AGBL4: variants seen among roughly 807,000 people sequenced by gnomAD.
AGBL4 encodes the protein cytosolic carboxypeptidase 6.
In AGBL4, 58 loss-of-function variants were observed where a neutral mutation model predicts 66.4. The ratio of observed to expected loss-of-function variants is 0.87; its 90% CI spans 0.71 to 1.09. The LOEUF is 1.09. AGBL4 is among the 50% of genes least tolerant of loss of function. The pLI is 0.00. For missense variants in AGBL4, 579 were observed against 631.0 expected, an observed-to-expected ratio of 0.92 and a Z score of 0.88; for synonymous variants, 234 against 222.9, an observed-to-expected ratio of 1.05 and a Z score of -0.44.
intron 3 of AGBL4, among the ~76,000 whole-genome samples, chr1:49,440,774 G>A (rs542460553): frequency 3.9e-4 from 59 of 152,256 alleles, no homozygotes; most frequent in African/African-American, 4.3e-4. Flanking sequence ...GTACAGCCTC[G>A]CCAGGTATCT....
In AGBL4 at chr1:48,751,173, T is replaced by C. The variant is rs144045877; in HGVS notation, c.635-87932A>G. On this transcript the variant is annotated intron_variant, in intron 6 of 13. Transcript: ENST00000371839. ...CTAAAGAGACAATTTCTAAGAAAAC[T>C]CCAGGAATTGTCCAATTGGTATCTT... 1.6e-3 allele frequency among the ~76,000 whole-genome samples: 246 copies of C among 152,274 alleles called. 5 individuals are homozygous for C. The South Asian group carries it at 0.047, about 29-fold the overall frequency.
At chr1:49,115,765 A>T (rs1439793889) in intron 4 of AGBL4, among the ~76,000 whole-genome samples, 1 of 151,852 alleles carries the variant, frequency 6.6e-6, no homozygotes. Context: ...TAAGATACAA[A>T]TCCCCCCCCA....
chr1:48,612,950 G>A (rs113266422), intron 9 of AGBL4, among the ~76,000 whole-genome samples: 135 of 152,212 alleles, frequency 8.9e-4, no homozygotes, highest in African/African-American at 3.1e-3. Context: ...CCTGACCAAC[G>A]TGGCAAAACC....
chr1:49,606,350 A>G (rs879303966), intron 3 of AGBL4, among the ~76,000 whole-genome samples: 5 of 152,170 alleles, frequency 3.3e-5, no homozygotes, highest in Admixed American at 3.3e-4. Flanking sequence ...CCCCTGAGCA[A>G]TCGAAAGCAC....
At chr1:48,618,887 A>C (rs1645363367) in intron 9 of AGBL4, among the ~76,000 whole-genome samples, 3 of 152,152 alleles carry the variant, frequency 2.0e-5, no homozygotes, top group Admixed American at 2.0e-4. Flanking sequence ...CATGTTAACC[A>C]AAAGATAATG....
At chr1:48,604,005 C>T (rs954573186) in intron 9 of AGBL4, among the ~76,000 whole-genome samples, 1 of 151,900 alleles carries the variant, frequency 6.6e-6, no homozygotes, top group Non-Finnish European at 1.5e-5. Flanking sequence ...CATGGTGGCA[C>T]GCCTGTAATC....
chr1:49,271,471 T>C (rs1644056246), intron 3 of AGBL4, among the ~76,000 whole-genome samples: 1 of 151,566 alleles, frequency 6.6e-6, no homozygotes, highest in Non-Finnish European at 1.5e-5. Context: ...GCGTTGTGTT[T>C]TCTCTAAGAG....
intron 5 of AGBL4, among the ~76,000 whole-genome samples, chr1:48,914,050 C>A (rs974311541): frequency 1.3e-5 from 2 of 152,114 alleles, no homozygotes; most frequent in Non-Finnish European, 2.9e-5. Flanking sequence ...AACAAAGTAG[C>A]AAAGCACAGA....
At chr1:49,453,097 A>G (rs557230809) in intron 3 of AGBL4, among the ~76,000 whole-genome samples, 1 of 152,058 alleles carries the variant, frequency 6.6e-6, no homozygotes, top group African/African-American at 2.4e-5. Context: ...TTATGAATGA[A>G]AGGCAAATGA....
At chr1:49,077,185 C>A (rs1248669162) in intron 4 of AGBL4, among the ~76,000 whole-genome samples, 3 of 147,460 alleles carry the variant, frequency 2.0e-5, no homozygotes, top group African/African-American at 8.1e-5. Context: ...CAGCACCTAT[C>A]ACATAGTGGG....
chr1:48,758,092 C>T (rs895633179), intron 6 of AGBL4, among the ~76,000 whole-genome samples: 4 of 152,168 alleles, frequency 2.6e-5, no homozygotes, highest in Non-Finnish European at 1.5e-5. Flanking sequence ...ATCAGAAAAC[C>T]TGATTAGTTA....
intron 6 of AGBL4, among the ~76,000 whole-genome samples, chr1:48,756,411 CA>C (rs2148648828): frequency 6.6e-6 from 1 of 152,302 alleles, no homozygotes; most frequent in East Asian, 1.9e-4. Context: ...CTGTTCCCCT[CA>C]TCAAACTTTA....
chr1:49,989,182 C>A (rs1378758359), intron 1 of AGBL4, among the ~76,000 whole-genome samples: 1 of 152,116 alleles, frequency 6.6e-6, no homozygotes, highest in Admixed American at 6.6e-5. Flanking sequence ...AAAGGAATAA[C>A]AGATGATTAC....
intron 9 of AGBL4, among the ~76,000 whole-genome samples, chr1:48,619,131 C>T (rs1330830068): frequency 1.3e-5 from 2 of 152,204 alleles, no homozygotes; most frequent in African/African-American, 4.8e-5. Context: ...CTGGCTTCCA[C>T]TTCAAGTCCT....
chr1:48,881,240 C>A (rs1649752542), intron 5 of AGBL4, among the ~76,000 whole-genome samples: 1 of 152,188 alleles, frequency 6.6e-6, no homozygotes, highest in Non-Finnish European at 1.5e-5. Context: ...GCCTTGCCAG[C>A]ATGTGGGATT....
chr1:49,180,267 T>C (rs1044400686), intron 4 of AGBL4, among the ~76,000 whole-genome samples: 20 of 152,334 alleles, frequency 1.3e-4, no homozygotes, highest in African/African-American at 4.8e-4. Context: ...TCTCATATGA[T>C]GGTAATGAAG....
chr1:49,932,809 G>A (rs1017281593), intron 1 of AGBL4, among the ~76,000 whole-genome samples: 10 of 152,160 alleles, frequency 6.6e-5, no homozygotes, highest in South Asian at 2.1e-4. Flanking sequence ...TTCTAAAGTC[G>A]TCTGACGAAG....
chr1:49,790,082 G>T (rs1487179470), intron 2 of AGBL4, among the ~76,000 whole-genome samples: 1 of 152,202 alleles, frequency 6.6e-6, no homozygotes, highest in South Asian at 2.1e-4. Context: ...AATGGGGAAA[G>T]GATTCCCTAT....
chr1:48,824,383 G>A (rs1488082007), intron 6 of AGBL4, among the ~76,000 whole-genome samples: 1 of 152,192 alleles, frequency 6.6e-6, no homozygotes, highest in Non-Finnish European at 1.5e-5. Context: ...GTTAACTGAA[G>A]GCACAGGAAT....
Sources: gnomAD v4.1 joint callset for allele counts (sites outside exome capture counted in the v4.1 genomes callset) on GRCh38, gnomAD v4.1.1 for gene constraint, MANE v1.5 for transcripts, NCBI Gene and HGNC (gene_info 2026-07-23, HGNC 2026-07-21) for gene names.